The following PADI4 variants were observed in gnomAD, a reference collection of about 807,000 sequenced individuals.
PADI4 encodes the protein peptidyl arginine deiminase 4, also known as protein-arginine deiminase type-4.
A neutral mutation model predicts 75.0 loss-of-function variants in PADI4; 62 were observed. The observed-to-expected ratio is 0.83, with a 90% CI of 0.67 to 1.02. The LOEUF is 1.02. Ranked by LOEUF, PADI4 falls within the 50% of genes least tolerant of loss-of-function variation. The pLI is 0.00. For missense variants in PADI4, 845 were observed against 850.5 expected (o/e 0.99, Z 0.08); for synonymous variants, 361 against 348.1 (o/e 1.04, Z -0.41).
At chr1:17,363,469 G>A in intron 15 of PADI4, 53 bp from the exon 16 acceptor site, 2 of 1,287,184 alleles carry the variant, frequency 1.6e-6, no homozygotes, top group South Asian at 2.5e-5. Flanking sequence ...CGCTCAGATT[G>A]CGCTGCAGGC....
At chr1:17,352,930 G>A (rs2074691485) in intron 10 of PADI4, among the ~76,000 whole-genome samples, 1 of 152,198 alleles carries the variant, frequency 6.6e-6, no homozygotes, top group Non-Finnish European at 1.5e-5. Context: ...AGTGAGGTTG[G>A]AGGTGAACCA....
At chr1:17,343,135 C>T (rs763564487) in intron 8 of PADI4, among the ~76,000 whole-genome samples, 3 of 151,886 alleles carry the variant, frequency 2.0e-5, no homozygotes, top group Admixed American at 1.3e-4. Context: ...TGCAGTGAGC[C>T]GAGATTGCAC....
In PADI4 at chr1:17,346,704, C is replaced by A. The variant is rs556085355; in HGVS notation, c.1047+565C>A. Among the ~76,000 whole-genome samples, 199 of 152,262 alleles carry A rather than the reference C, an allele frequency of 1.3e-3. 8 individuals carry two copies. The South Asian group carries it at 0.041, about 31-fold the overall frequency. ...AGACTGGGCCTCATCCAGCCTAGCA[C>A]CCTGACCCTCCCCACCACTGCCTTG... On this transcript the variant is annotated intron_variant, in intron 9 of 15. Transcript: ENST00000375448. This position sits in a 1 kb window ranked among gnomAD's most constrained non-coding sequence, Gnocchi z 4.3.
chr1:17,355,059 C>T (rs529531527), intron 11 of PADI4, among the ~76,000 whole-genome samples: 136 of 152,188 alleles, frequency 8.9e-4, no homozygotes, highest in African/African-American at 3.1e-3. Context: ...GAGAGGGGCA[C>T]GGGAGGAATA....
intron 15 of PADI4, among the ~76,000 whole-genome samples, chr1:17,362,107 G>A (rs1156737322): frequency 2.0e-5 from 3 of 152,108 alleles, no homozygotes; most frequent in Non-Finnish European, 4.4e-5. Context: ...GCCAGGAGGG[G>A]TGGCTCATAC....
In PADI4 at chr1:17,356,479, T is replaced by C. The variant is rs1274954602; in HGVS notation, c.1558+20T>C. ...TCAAGAGTAAGTCGGCCCTGCCTTGTTCTCCTGTCTGTGCACCTTCCTGCT... is the reference window on the plus strand; with the variant it reads ...TCAAGAGTAAGTCGGCCCTGCCTTGCTCTCCTGTCTGTGCACCTTCCTGCT... On this transcript the variant is annotated intron_variant, in intron 13 of 15. Coordinates refer to ENST00000375448, the MANE Select transcript of PADI4 (RefSeq NM_012387.3). This position sits in a 1 kb window ranked among gnomAD's most constrained non-coding sequence, Gnocchi z 4.1. The C allele has an allele frequency of 7.0e-7, 1 of 1,426,142 alleles. No homozygotes were observed. The highest frequency in any genetic ancestry group is 1.8e-4 in the Middle Eastern group (1 of 5,650). 88.3% of individuals were successfully genotyped at this position (1,426,142 alleles called of 1,614,324 possible). A position where few individuals can be genotyped will look rare whatever the true frequency, so the allele number is the denominator to read the frequency against.
At chr1:17,308,576 C>T (rs1160617908) in intron 1 of PADI4, among the ~76,000 whole-genome samples, 2 of 152,278 alleles carry the variant, frequency 1.3e-5, no homozygotes, top group Admixed American at 6.5e-5. Flanking sequence ...CCAGGCCATC[C>T]ATCTCCCTGT....
At chr1:17,324,215 CT>C (rs1256829451) in intron 1 of PADI4, among the ~76,000 whole-genome samples, 2 of 120,616 alleles carry the variant, frequency 1.7e-5, no homozygotes, top group Non-Finnish European at 1.6e-5. Context: ...GTTAGAGTTT[CT>C]GTTGAATCGT....
At chr1:17,354,175 C>T (rs938657947) in intron 10 of PADI4, among the ~76,000 whole-genome samples, 5 of 151,932 alleles carry the variant, frequency 3.3e-5, no homozygotes, top group Admixed American at 6.6e-5. Flanking sequence ...GAACCAGGGG[C>T]GGAGGTTGCA....
chr1:17,336,148 T>C lies in PADI4; in HGVS notation c.341-11T>C, dbSNP rs2074305560. 1 of 1,606,954 alleles carries C rather than the reference T, an allele frequency of 6.2e-7. No homozygotes were observed. Among genetic ancestry groups the C allele is most frequent in the Middle Eastern group, 1.7e-4 (1 of 6,052 alleles). On this transcript the variant is annotated splice_polypyrimidine_tract_variant and intron_variant, in intron 3 of 15. Transcript: ENST00000375448. ...CTCACCAACCTCTCCTCTTACTTGATGGGATTTCAGAAATCTCCTTGTGCG... is the reference window on the plus strand; with the variant it reads ...CTCACCAACCTCTCCTCTTACTTGACGGGATTTCAGAAATCTCCTTGTGCG...
chr1:17,351,609 CAAAAAAAAAAAA>C (rs56047360), intron 10 of PADI4, among the ~76,000 whole-genome samples: 3 of 98,026 alleles, frequency 3.1e-5, no homozygotes, highest in Admixed American at 2.4e-4. Context: ...GACCTGGTCT[CAAAAAAAAAAAA>C]AAAAAAAAAA....
chr1:17,361,049 AC>A (rs1271631289), intron 15 of PADI4, among the ~76,000 whole-genome samples: 1 of 150,342 alleles, frequency 6.7e-6, no homozygotes, highest in Non-Finnish European at 1.5e-5. Flanking sequence ...AACCCCAGCC[AC>A]CCCCTTCTTC....
At chr1:17,322,740 C>A (rs1289578160) in intron 1 of PADI4, among the ~76,000 whole-genome samples, 1 of 152,124 alleles carries the variant, frequency 6.6e-6, no homozygotes, top group Non-Finnish European at 1.5e-5. Flanking sequence ...TTTCCTTTCA[C>A]AGTCTGTAAG....
intron 10 of PADI4, among the ~76,000 whole-genome samples, chr1:17,352,044 GCAGTCAGGGA>G: frequency 9.9e-6 from 1 of 100,568 alleles, no homozygotes. Flanking sequence ...GGGAGGAGAG[GCAGTCAGGGA>G]GGTGATGGGA....
At chr1:17,335,537 T>C (rs2074294317) in intron 3 of PADI4, among the ~76,000 whole-genome samples, 2 of 152,232 alleles carry the variant, frequency 1.3e-5, no homozygotes, top group Non-Finnish European at 2.9e-5. Context: ...GGTCACCATA[T>C]CATGCTGTGG....
At chr1:17,331,250 C>T (rs2074206917) in intron 2 of PADI4, 101 bp downstream of exon 2, 1 of 1,021,994 alleles carries the variant, frequency 9.8e-7, no homozygotes, top group South Asian at 1.5e-5. Context: ...CTGGCAGAGC[C>T]TCTTGCCCTG....
intron 10 of PADI4, chr1:17,348,775 A>G (rs1221237111): frequency 6.6e-6 from 1 of 152,208 alleles, no homozygotes; most frequent in South Asian, 2.1e-4. Context: ...AAACCCGGCC[A>G]GTCCGGCTTG....
At chr1:17,343,858 T>C (rs777035033) in intron 8 of PADI4, among the ~76,000 whole-genome samples, 1 of 152,180 alleles carries the variant, frequency 6.6e-6, no homozygotes. Flanking sequence ...GTCTCAGGTA[T>C]GTTTTTATCA....
intron 1 of PADI4, among the ~76,000 whole-genome samples, chr1:17,318,461 C>G (rs2073977956): frequency 6.6e-6 from 1 of 152,152 alleles, no homozygotes; most frequent in African/African-American, 2.4e-5. Flanking sequence ...ACTCAGGCAA[C>G]AGTGTCAGGA....
Sources: gnomAD v4.1 joint callset for allele counts (sites outside exome capture counted in the v4.1 genomes callset) on GRCh38, gnomAD v4.1.1 for gene constraint, Gnocchi (gnomAD v3.1) non-coding constraint, MANE v1.5 for transcripts, NCBI Gene and HGNC (gene_info 2026-07-23, HGNC 2026-07-21) for gene names.